Variants in DLG2 observed in about 807,000 individuals in gnomAD.
The protein encoded by DLG2 is discs large MAGUK scaffold protein 2.
DLG2 carries 45 observed loss-of-function variants against 132.5 expected under a neutral mutation model. That is an observed-to-expected ratio of 0.34 (90% CI 0.27 to 0.44). The LOEUF is 0.44. Among genes scored for constraint, DLG2 ranks in the 20% least tolerant of loss-of-function variants. DLG2 has a pLI of 1.00. For missense variants in DLG2, 1,045 were observed against 1,196.9 expected, an observed-to-expected ratio of 0.87 and a Z score of 1.87; for synonymous variants, 424 against 419.6, an observed-to-expected ratio of 1.01 and a Z score of -0.13.
chr11:85,528,672 A>T (rs2074968626), intron 3 of DLG2, among the ~76,000 whole-genome samples: 1 of 152,248 alleles, frequency 6.6e-6, no homozygotes, highest in South Asian at 2.1e-4. Context: ...ATAAATCCCC[A>T]AATCAGAGTA....
intron 6 of DLG2, among the ~76,000 whole-genome samples, chr11:85,070,848 G>T (rs1049027487): frequency 1.3e-5 from 2 of 151,814 alleles, no homozygotes; most frequent in African/African-American, 2.4e-5. Context: ...TTTGTGAAAT[G>T]TCTATAATGT....
At chr11:83,475,086 G>T (rs1463300367) in intron 22 of DLG2, among the ~76,000 whole-genome samples, 2 of 152,162 alleles carry the variant, frequency 1.3e-5, no homozygotes, top group Admixed American at 1.3e-4. Context: ...CATCCCTTAT[G>T]TCCGGGCCAC....
intron 18 of DLG2, chr11:83,643,768 G>A (rs922091562): frequency 6.6e-6 from 1 of 151,958 alleles, no homozygotes; most frequent in Non-Finnish European, 1.5e-5. Flanking sequence ...GCTCACAGAG[G>A]CTAGTCAATT....
chr11:84,613,202 G>A (rs1360344302), intron 6 of DLG2, among the ~76,000 whole-genome samples: 2 of 152,016 alleles, frequency 1.3e-5, no homozygotes, highest in African/African-American at 4.8e-5. Flanking sequence ...GAATGTTCAG[G>A]AAAACCAAAT....
chr11:83,733,639 C>T (rs1593290259), intron 18 of DLG2, among the ~76,000 whole-genome samples: 1 of 152,300 alleles, frequency 6.6e-6, no homozygotes, highest in Admixed American at 6.5e-5. Context: ...ACTCTTCTGG[C>T]TTCTTCCTCC....
At chr11:83,979,170 A>G (rs2092558932) in intron 12 of DLG2, among the ~76,000 whole-genome samples, 1 of 152,144 alleles carries the variant, frequency 6.6e-6, no homozygotes, top group African/African-American at 2.4e-5. Context: ...ATTGGCAACT[A>G]TGAAATTAGA....
intron 5 of DLG2, among the ~76,000 whole-genome samples, chr11:85,148,601 C>CT (rs2077014885): frequency 6.6e-6 from 1 of 151,398 alleles, no homozygotes; most frequent in South Asian, 2.1e-4. Context: ...AATGGGGTTG[C>CT]TTTTTTCTTG....
chr11:85,365,383 C>A (rs1374107833), intron 3 of DLG2, among the ~76,000 whole-genome samples: 1 of 152,100 alleles, frequency 6.6e-6, no homozygotes, highest in African/African-American at 2.4e-5. Context: ...ACGTGTAAGT[C>A]TGGTAGGAAA....
At chr11:84,770,768 C>A (rs547381426) in intron 6 of DLG2, among the ~76,000 whole-genome samples, 87 of 151,762 alleles carry the variant, frequency 5.7e-4, no homozygotes, top group African/African-American at 2.1e-3. Context: ...GCCTCAGCCT[C>A]CCTAGTAGCT....
intron 7 of DLG2, among the ~76,000 whole-genome samples, chr11:84,253,712 C>T (rs1261284808): frequency 1.3e-5 from 2 of 152,074 alleles, no homozygotes; most frequent in African/African-American, 4.8e-5. Context: ...ATTTAATCTC[C>T]ACAAAACCTT....
intron 6 of DLG2, among the ~76,000 whole-genome samples, chr11:84,661,184 T>C (rs2099694097): frequency 6.6e-6 from 1 of 152,224 alleles, no homozygotes; most frequent in Admixed American, 6.5e-5. Flanking sequence ...ATCATGCCTT[T>C]GCAGGTAGTT....
intron 6 of DLG2, among the ~76,000 whole-genome samples, chr11:84,743,787 C>T (rs145312285): frequency 0.011 from 1,601 of 151,918 alleles, 33 homozygotes; most frequent in African/African-American, 0.037. Flanking sequence ...TGCAGTGGCA[C>T]GATCTTGGCT....
chr11:85,157,434 T>G lies in DLG2; in HGVS notation c.187-2783A>C, dbSNP rs542449866. 4.2e-4 allele frequency among the ~76,000 whole-genome samples: 64 copies of G among 152,250 alleles called. No individual in the cohort carries two copies. The South Asian group carries it at 4.6e-3, about 11-fold the overall frequency. ...AACACTGATAGTCCTTGGCATGAAC[T>G]GTTTAGAGAGTTATGCAAGATGAAT... On this transcript the variant is annotated intron_variant, in intron 4 of 27. Coordinates refer to ENST00000376104, the MANE Select transcript of DLG2 (RefSeq NM_001142699.3).
At chr11:83,533,694 C>G (rs1376766710) in intron 20 of DLG2, among the ~76,000 whole-genome samples, 3 of 152,126 alleles carry the variant, frequency 2.0e-5, no homozygotes, top group Non-Finnish European at 4.4e-5. Flanking sequence ...TACAAGATTG[C>G]AGAAAGATTC....
rs536346933 is a variant in DLG2 at position 84,329,768 on chromosome 11, T to C, written c.520-78477A>G. Reference sequence around the variant, plus strand: ...GAACATTTTCATTGTTGCATAAATATTTGAAGGCCAATGGCCTTTGCTTCT... The same window carrying C: ...GAACATTTTCATTGTTGCATAAATACTTGAAGGCCAATGGCCTTTGCTTCT... On this transcript the variant is annotated intron_variant, in intron 7 of 27. Transcript: ENST00000376104. Among the ~76,000 whole-genome samples, 4 of 152,340 alleles carry C rather than the reference T, an allele frequency of 2.6e-5. No homozygotes were observed. The South Asian group carries it at 8.3e-4, about 32-fold the overall frequency.
chr11:83,732,059 C>A (rs570931085), intron 18 of DLG2, among the ~76,000 whole-genome samples: 13 of 152,040 alleles, frequency 8.6e-5, no homozygotes, highest in Non-Finnish European at 1.8e-4. Context: ...TTTTGCTGAG[C>A]CATGGCTATA....
At chr11:84,254,015 C>G (rs761513571) in intron 7 of DLG2, among the ~76,000 whole-genome samples, 17 of 151,988 alleles carry the variant, frequency 1.1e-4, no homozygotes, top group Non-Finnish European at 1.9e-4. Flanking sequence ...TCTGGTGAAG[C>G]CTTAGTATGT....
At position 83,740,980 on chromosome 11, in the gene DLG2, C is replaced by T. The variant is rs570857156; in HGVS notation, c.1825+45710G>A. 1.5e-3 allele frequency among the ~76,000 whole-genome samples: 229 copies of T among 152,142 alleles called. 1 individual carries two copies. Among genetic ancestry groups the T allele is most frequent in the African/African-American group, 5.3e-3 (218 of 41,516 alleles). The stretch of plus-strand genomic sequence containing the variant: ...CCGTGATCAAGTAGGCATTTTCCTG[C>T]GAGGCAAGTTTGGTTCAACATACCC... On this transcript the variant is annotated intron_variant, in intron 18 of 27. Transcript: ENST00000376104.
intron 6 of DLG2, among the ~76,000 whole-genome samples, chr11:85,009,234 C>A (rs150854573): frequency 0.02 from 2,969 of 151,740 alleles, 57 homozygotes; most frequent in Admixed American, 0.042. Flanking sequence ...TATAACCAGC[C>A]CAAAGGAATA....
Sources: allele counts gnomAD v4.1 joint callset (sites outside exome capture counted in the v4.1 genomes callset), GRCh38; gene constraint gnomAD v4.1.1; transcripts MANE v1.5; gene names NCBI Gene and HGNC (gene_info 2026-07-23, HGNC 2026-07-21).